Variants in CCDC40 observed in about 807,000 individuals in gnomAD.
CCDC40 encodes coiled-coil domain-containing protein 40.
A neutral mutation model predicts 124.5 loss-of-function variants in CCDC40; 104 were observed. The ratio of observed to expected loss-of-function variants is 0.84; its 90% CI spans 0.71 to 0.98. The LOEUF (loss-of-function observed/expected upper bound fraction) is 0.98, where lower values mean the gene tolerates loss of function less well. Among genes scored for constraint, CCDC40 ranks in the 50% least tolerant of loss-of-function variants. CCDC40 has a pLI of 0.00. For synonymous variants in CCDC40, 580 were observed against 602.9 expected (o/e 0.96, Z 0.56); for missense variants, 1,463 against 1,503.9 (o/e 0.97, Z 0.45).
rs777639251 is a variant in CCDC40, at chr17:80,038,132, G to A, written c.39G>A (p.Pro13=). Residue 13 remains proline, a synonymous_variant, in exon 2 of 20, where the codon CCG becomes CCA. Transcript: ENST00000397545. ...EPGGAAGRSH[P]EDGSASEGEK... ...GTTTCTCTAAAACCAGGTCCCATCCGGAAGATGGATCGGCTTCTGAGGGAG... is the reference window on the plus strand; with the variant it reads ...GTTTCTCTAAAACCAGGTCCCATCCAGAAGATGGATCGGCTTCTGAGGGAG... The A allele has an allele frequency of 6.7e-5, 108 of 1,609,188 alleles. No individual in the cohort carries two copies. Among genetic ancestry groups the A allele is most frequent in the African/African-American group, 9.4e-5 (7 of 74,812 alleles).
rs1009961055 is a variant in CCDC40, at chr17:80,086,323, G to A, written c.2449+107G>A. 44 of 907,658 alleles carry A rather than the reference G, an allele frequency of 4.8e-5. No homozygotes were observed. The highest frequency in any genetic ancestry group is 2.0e-4 in the African/African-American group (12 of 60,394). The allele number at this position is 907,658 out of a possible 1,614,324, so 56.2% of individuals were successfully genotyped here. On this transcript the variant is annotated intron_variant, in intron 14 of 19. Coordinates refer to ENST00000397545, the MANE Select transcript of CCDC40 (RefSeq NM_017950.4). The surrounding 1 kb of genome is among the most constrained non-coding windows in gnomAD (Gnocchi z 5.5). ...GTGGGGCACGTCGCTGGATTTGCAC[G>A]CAGCCTTAAAAGCAAATAACAAACG...
Position 80,087,169 on chromosome 17 carries a change from G to T in CCDC40, c.2450-438G>T. Reference sequence around the variant, plus strand: ...CATCTTAACATCAAGAAGAGCTGTTGTTTTCTGCCCCTACCCCTGAGCTTG... The same window carrying T: ...CATCTTAACATCAAGAAGAGCTGTTTTTTTCTGCCCCTACCCCTGAGCTTG... On this transcript the variant is annotated intron_variant, in intron 14 of 19. Coordinates refer to ENST00000397545, the MANE Select transcript of CCDC40 (RefSeq NM_017950.4). The surrounding 1 kb of genome is among the most constrained non-coding windows in gnomAD (Gnocchi z 4.5). 1 of 256,486 alleles carries T rather than the reference G, an allele frequency of 3.9e-6. No homozygotes were observed. The highest frequency in any genetic ancestry group is 7.7e-6 in the Non-Finnish European group (1 of 129,300). The allele number at this position is 256,486 out of a possible 1,614,324, so 15.9% of individuals were successfully genotyped here. A position where few individuals can be genotyped will look rare whatever the true frequency, so the allele number is the denominator to read the frequency against.
intron 10 of CCDC40, 142 bp from the exon 11 acceptor site, chr17:80,081,404 A>AAATAAATAAATAAAT (rs2038444553): frequency 1.7e-6 from 1 of 595,194 alleles, no homozygotes; most frequent in Admixed American, 2.9e-5. Flanking sequence ...ATAAATAAAT[A>AAATAAATAAATAAAT]AATAAATAAG....
Position 80,066,883 on chromosome 17 carries a change from G to C in CCDC40, c.1562+1277G>C, listed in dbSNP as rs1332564203. ...CGTTTCCCCTGTAAAGATGCAGGTC[G>C]AGGAACCAGAGCCAGCTGTGGCCGG... On this transcript the variant is annotated intron_variant, in intron 10 of 19. Transcript: ENST00000397545. This position sits in a 1 kb window ranked among gnomAD's most constrained non-coding sequence, Gnocchi z 4.4. 1 of 152,500 alleles carries C rather than the reference G, an allele frequency of 6.6e-6. No individual in the cohort carries two copies. The highest frequency in any genetic ancestry group is 2.4e-5 in the African/African-American group (1 of 41,422). The allele number at this position is 152,500 out of a possible 1,614,324, so 9.4% of individuals were successfully genotyped here. A position where few individuals can be genotyped will look rare whatever the true frequency, so the allele number is the denominator to read the frequency against.
chr17:80,038,680 C>T (rs1008088599), intron 2 of CCDC40, among the ~76,000 whole-genome samples: 2 of 151,800 alleles, frequency 1.3e-5, no homozygotes, highest in African/African-American at 4.8e-5. Context: ...CAAAAATTTG[C>T]CAGGCATGGT....
intron 17 of CCDC40, among the ~76,000 whole-genome samples, chr17:80,094,851 C>T (rs2038779558): frequency 6.6e-6 from 1 of 152,212 alleles, no homozygotes; most frequent in African/African-American, 2.4e-5. Flanking sequence ...TCCCCAGCCC[C>T]AGGTCCTCCA....
chr17:80,077,027 C>T (rs545116373), intron 10 of CCDC40, among the ~76,000 whole-genome samples: 2 of 152,222 alleles, frequency 1.3e-5, no homozygotes, highest in African/African-American at 2.4e-5. Context: ...TGGACCACCA[C>T]GCCCAGCCTA....
At chr17:80,046,977 C>G (rs2037437922) in intron 3 of CCDC40, among the ~76,000 whole-genome samples, 1 of 152,128 alleles carries the variant, frequency 6.6e-6, no homozygotes. Context: ...TCCCAAGTAG[C>G]TGGGATTACA....
chr17:80,095,372 T>G lies in CCDC40; in HGVS notation c.2942T>G (p.Met981Arg). The change falls in exon 18 of 20, where the codon ATG becomes AGG. Residue 981 changes from methionine to arginine, a missense_variant. Met to Arg is a moderately conservative substitution (Grantham distance 91). Coordinates refer to ENST00000397545, the MANE Select transcript of CCDC40 (RefSeq NM_017950.4). ...ACCCAGGCCGAGGGGCAGCGCAAGA[T>G]GGACAGGAAGGCGCTCACCCGCACC... is the stretch of plus-strand genomic sequence containing the variant. ...VTTQAEGQRK[M>R]DRKALTRTDF... The G allele has an allele frequency of 6.2e-7, 1 of 1,614,076 alleles. No homozygotes were observed. The highest frequency in any genetic ancestry group is 8.5e-7 in the Non-Finnish European group (1 of 1,180,030).
intron 7 of CCDC40, among the ~76,000 whole-genome samples, chr17:80,053,688 G>A (rs2037663860): frequency 6.6e-6 from 1 of 152,164 alleles, no homozygotes; most frequent in African/African-American, 2.4e-5. Flanking sequence ...CACCTCCCGG[G>A]TTCAAGCGAT....
At chr17:80,037,683 T>TAAAAAA (rs11312279) in intron 1 of CCDC40, among the ~76,000 whole-genome samples, 61 of 44,386 alleles carry the variant, frequency 1.4e-3, no homozygotes, top group Non-Finnish European at 1.1e-3. Context: ...TTTAATTTTT[T>TAAAAAA]AAAAAAGATA....
At chr17:80,079,767 C>CAAA (rs34238595) in intron 10 of CCDC40, among the ~76,000 whole-genome samples, 2,735 of 136,618 alleles carry the variant, frequency 0.02, 87 homozygotes, top group African/African-American at 0.065. Context: ...ACTAAAAATA[C>CAAA]AAAAAAAAAA....
intron 9 of CCDC40, among the ~76,000 whole-genome samples, chr17:80,061,433 G>A (rs1433930174): frequency 1.4e-5 from 2 of 147,970 alleles, no homozygotes; most frequent in East Asian, 4.0e-4. Flanking sequence ...ACCAGATGAA[G>A]GCGGGGAGAC....
At chr17:80,071,665 A>G (rs980285679) in intron 10 of CCDC40, among the ~76,000 whole-genome samples, 1 of 152,128 alleles carries the variant, frequency 6.6e-6, no homozygotes, top group Non-Finnish European at 1.5e-5. Flanking sequence ...ACGGTATTCA[A>G]TAAATTACAT....
At chr17:80,037,080 A>G (rs1194332713) in intron 1 of CCDC40, among the ~76,000 whole-genome samples, 1 of 151,878 alleles carries the variant, frequency 6.6e-6, no homozygotes, top group African/African-American at 2.4e-5. Context: ...GCTGTTGGAT[A>G]CCGCCCCTGA....
chr17:80,091,017 C>T (rs750838448), intron 17 of CCDC40, among the ~76,000 whole-genome samples: 3 of 152,196 alleles, frequency 2.0e-5, no homozygotes, highest in South Asian at 2.1e-4. Flanking sequence ...CCTTCTTCCC[C>T]GGCTCCCCCT....
In CCDC40 at chr17:80,087,882, A is replaced by T. The variant is rs2038621704; in HGVS notation, c.2619+106A>T. 1.5e-6 allele frequency: 2 copies of T among 1,297,462 alleles called. No homozygotes were observed. The highest frequency in any genetic ancestry group is 2.2e-6 in the Non-Finnish European group (2 of 893,228). 80.4% of individuals were successfully genotyped at this position (1,297,462 alleles called of 1,614,324 possible). A position where few individuals can be genotyped will look rare whatever the true frequency, so the allele number is the denominator to read the frequency against. Reference sequence around the variant, plus strand: ...AGGATGTAATTTCCACACCCGTTCAAGATGCTTGTAGGGGTATTAGAAATC... The same window carrying T: ...AGGATGTAATTTCCACACCCGTTCATGATGCTTGTAGGGGTATTAGAAATC... On this transcript the variant is annotated intron_variant, in intron 15 of 19. Transcript: ENST00000397545. The surrounding 1 kb of genome is among the most constrained non-coding windows in gnomAD (Gnocchi z 4.5).
chr17:80,068,437 G>A (rs1337872449), intron 10 of CCDC40, among the ~76,000 whole-genome samples: 1 of 152,204 alleles, frequency 6.6e-6, no homozygotes, highest in African/African-American at 2.4e-5. Flanking sequence ...GCAACTTGGA[G>A]ACAGGTTTAA....
chr17:80,069,690 G>A (rs553412939), intron 10 of CCDC40, among the ~76,000 whole-genome samples: 13 of 152,276 alleles, frequency 8.5e-5, no homozygotes, highest in African/African-American at 3.1e-4. Flanking sequence ...GGTGGAGGTG[G>A]CGGTGAAGCA....
Sources: allele counts gnomAD v4.1 joint callset (sites outside exome capture counted in the v4.1 genomes callset), GRCh38; gene constraint gnomAD v4.1.1; non-coding constraint Gnocchi (gnomAD v3.1); transcripts MANE v1.5; gene names NCBI Gene and HGNC (gene_info 2026-07-23, HGNC 2026-07-21).